FHIT: variants seen among roughly 807,000 people sequenced by gnomAD.
FHIT encodes fragile histidine triad diadenosine triphosphatase.
A neutral mutation model predicts 17.9 loss-of-function variants in FHIT; 19 were observed. That is an observed-to-expected ratio of 1.06 (90% CI 0.74 to 1.56). The LOEUF (loss-of-function observed/expected upper bound fraction) is 1.56, where lower values mean the gene tolerates loss of function less well. FHIT is among the 40% of genes most tolerant of loss of function. FHIT has a pLI of 0.00. For missense variants in FHIT, 248 were observed against 189.2 expected, an observed-to-expected ratio of 1.31 and a Z score of -1.82; for synonymous variants, 81 against 69.7, an observed-to-expected ratio of 1.16 and a Z score of -0.81.
intron 3 of FHIT, among the ~76,000 whole-genome samples, chr3:60,923,489 C>T (rs575684665): frequency 6.6e-6 from 1 of 152,300 alleles, no homozygotes; most frequent in Non-Finnish European, 1.5e-5. Context: ...TAAATGCAAG[C>T]TGGTCCTCCT....
chr3:59,850,574 T>C (rs146697052), intron 8 of FHIT, among the ~76,000 whole-genome samples: 151 of 152,152 alleles, frequency 9.9e-4, no homozygotes, highest in African/African-American at 3.6e-3. Context: ...GCTATTAGAG[T>C]TAATGAGCCG....
At chr3:60,902,896 T>C (rs1008245785) in intron 3 of FHIT, among the ~76,000 whole-genome samples, 2 of 152,170 alleles carry the variant, frequency 1.3e-5, no homozygotes, top group African/African-American at 4.8e-5. Context: ...AAAGAAATCT[T>C]TCATCAAGGA....
chr3:59,834,545 T>C (rs1342612679), intron 8 of FHIT, among the ~76,000 whole-genome samples: 3 of 152,198 alleles, frequency 2.0e-5, no homozygotes, highest in African/African-American at 7.2e-5. Context: ...ATCAGAGTGC[T>C]AGTATGGTCA....
At chr3:61,211,501 G>A (rs1406691629) in intron 1 of FHIT, among the ~76,000 whole-genome samples, 2 of 152,244 alleles carry the variant, frequency 1.3e-5, no homozygotes, top group African/African-American at 4.8e-5. Context: ...AAGCTGCCAG[G>A]AAGCATGAAC....
intron 5 of FHIT, among the ~76,000 whole-genome samples, chr3:60,284,706 T>G (rs1335475311): frequency 6.6e-6 from 1 of 152,148 alleles, no homozygotes; most frequent in Admixed American, 6.5e-5. Flanking sequence ...GCATGGACTT[T>G]TTAAAGAATT....
At chr3:60,540,100 A>C (rs1228341220) in intron 4 of FHIT, among the ~76,000 whole-genome samples, 3 of 152,088 alleles carry the variant, frequency 2.0e-5, no homozygotes, top group Non-Finnish European at 4.4e-5. Context: ...TCAACAGTTT[A>C]ATCGGTCATG....
At chr3:60,019,079 A>G (rs1700453346) in intron 5 of FHIT, among the ~76,000 whole-genome samples, 1 of 152,172 alleles carries the variant, frequency 6.6e-6, no homozygotes, top group African/African-American at 2.4e-5. Flanking sequence ...TCACTCATGC[A>G]ACTGCTTTCA....
At chr3:60,737,486 G>A (rs1247423376) in intron 4 of FHIT, among the ~76,000 whole-genome samples, 1 of 152,330 alleles carries the variant, frequency 6.6e-6, no homozygotes. Context: ...CATGAAGATA[G>A]TCTAAACAGA....
At chr3:61,130,057 C>T (rs1409452476) in intron 2 of FHIT, among the ~76,000 whole-genome samples, 3 of 152,090 alleles carry the variant, frequency 2.0e-5, no homozygotes, top group African/African-American at 7.2e-5. Flanking sequence ...AGAGGTGCCA[C>T]AGAGTTGGCA....
chr3:60,200,255 G>C (rs1486469070), intron 5 of FHIT, among the ~76,000 whole-genome samples: 3 of 152,110 alleles, frequency 2.0e-5, no homozygotes, highest in African/African-American at 7.2e-5. Flanking sequence ...ACAGGACTGG[G>C]ATAATCAATT....
intron 4 of FHIT, among the ~76,000 whole-genome samples, chr3:60,624,517 T>C (rs782473037): frequency 4.6e-5 from 7 of 152,012 alleles, no homozygotes; most frequent in Non-Finnish European, 7.4e-5. Flanking sequence ...TGAATGAGAA[T>C]AGGAATGAAG....
intron 5 of FHIT, among the ~76,000 whole-genome samples, chr3:60,360,471 T>C (rs1699860779): frequency 6.6e-6 from 1 of 152,098 alleles, no homozygotes; most frequent in Non-Finnish European, 1.5e-5. Context: ...TATGGTAGAA[T>C]GGAAAAATGC....
In FHIT at chr3:60,886,150, A is replaced by T. The variant is rs1298584122; in HGVS notation, c.-110-64139T>A. Among the ~76,000 whole-genome samples, 4 of 152,206 alleles carry T rather than the reference A, an allele frequency of 2.6e-5. No individual in the cohort carries two copies. The East Asian group carries it at 7.7e-4, about 29-fold the overall frequency. On this transcript the variant is annotated intron_variant, in intron 3 of 9. Transcript: ENST00000492590. Reference sequence around the variant, plus strand: ...ATGTAATATCGAATCCATAAGACTCAATTATCTGGGGTTTATTTGACAAAT... The same window carrying T: ...ATGTAATATCGAATCCATAAGACTCTATTATCTGGGGTTTATTTGACAAAT...
chr3:61,166,772 A>ACCTACTCAT (rs2037851752), intron 2 of FHIT, among the ~76,000 whole-genome samples: 2 of 152,178 alleles, frequency 1.3e-5, no homozygotes, highest in African/African-American at 4.8e-5. Flanking sequence ...TTCATAAAGC[A>ACCTACTCAT]CCTACTCATT....
At chr3:60,984,126 G>A (rs182096870) in intron 3 of FHIT, among the ~76,000 whole-genome samples, 40 of 152,258 alleles carry the variant, frequency 2.6e-4, no homozygotes, top group Non-Finnish European at 5.3e-4. Context: ...CCATTCAAAT[G>A]ACAGCTTTTC....
chr3:60,539,507 G>A (rs1452221687), intron 4 of FHIT, among the ~76,000 whole-genome samples: 7 of 152,034 alleles, frequency 4.6e-5, no homozygotes, highest in East Asian at 1.9e-4. Flanking sequence ...TGTTTATTGC[G>A]GCACTATTCA....
intron 5 of FHIT, among the ~76,000 whole-genome samples, chr3:60,257,682 G>A (rs1706072279): frequency 6.6e-6 from 1 of 152,186 alleles, no homozygotes; most frequent in Non-Finnish European, 1.5e-5. Context: ...TTTCTTTGAT[G>A]TCTCATGCTT....
chr3:60,361,917 C>G (rs1167381555), intron 5 of FHIT, among the ~76,000 whole-genome samples: 1 of 152,126 alleles, frequency 6.6e-6, no homozygotes, highest in Non-Finnish European at 1.5e-5. Context: ...CACTTCAGCT[C>G]TCATTTACAA....
chr3:60,267,400 G>T (rs969223466), intron 5 of FHIT, among the ~76,000 whole-genome samples: 1 of 151,926 alleles, frequency 6.6e-6, no homozygotes, highest in Non-Finnish European at 1.5e-5. Context: ...AAATACCATG[G>T]AAAAATTATG....
Sources: allele counts gnomAD v4.1 joint callset (sites outside exome capture counted in the v4.1 genomes callset), GRCh38; gene constraint gnomAD v4.1.1; transcripts MANE v1.5; gene names NCBI Gene and HGNC (gene_info 2026-07-23, HGNC 2026-07-21).